The following PDE7B variants were observed in gnomAD, a reference collection of about 807,000 sequenced individuals.
The protein encoded by PDE7B is phosphodiesterase 7B.
PDE7B carries 29 observed loss-of-function variants against 56.2 expected under a neutral mutation model. The ratio of observed to expected loss-of-function variants is 0.52; its 90% confidence interval spans 0.38 to 0.70. PDE7B has a LOEUF of 0.70. Ranked by LOEUF, PDE7B falls within the 30% of genes least tolerant of loss-of-function variation. PDE7B has a pLI of 0.00. For missense variants in PDE7B, 490 were observed against 565.0 expected, an observed-to-expected ratio of 0.87 and a Z score of 1.35; for synonymous variants, 197 against 196.9, an observed-to-expected ratio of 1.00 and a Z score of 0.00.
At chr6:135,863,421 C>T (rs950247550) in intron 1 of PDE7B, among the ~76,000 whole-genome samples, 1 of 151,836 alleles carries the variant, frequency 6.6e-6, no homozygotes, top group Admixed American at 6.6e-5. Context: ...ACAGTAGGGG[C>T]AATACTTAGT....
chr6:135,906,836 T>TTTTTTTTTTTTTTTTTTTTTTTTTA (rs1554265658), intron 1 of PDE7B, among the ~76,000 whole-genome samples: 1 of 145,170 alleles, frequency 6.9e-6, no homozygotes, highest in African/African-American at 2.7e-5. Context: ...TTTTTTTTTT[T>TTTTTTTTTTTTTTTTTTTTTTTTTA]AATCCTCTAG....
At chr6:135,923,870 T>C (rs1459660488) in intron 1 of PDE7B, among the ~76,000 whole-genome samples, 1 of 152,160 alleles carries the variant, frequency 6.6e-6, no homozygotes, top group Non-Finnish European at 1.5e-5. Context: ...TACCAACCAG[T>C]TGTTACCAAG....
intron 2 of PDE7B, chr6:135,993,214 T>C (rs1775504859): frequency 6.6e-6 from 1 of 152,198 alleles, no homozygotes; most frequent in Non-Finnish European, 1.5e-5. Context: ...CTATCCTGAA[T>C]GTGACTCTAA....
At chr6:135,947,365 G>A in intron 1 of PDE7B, 99 bp from the exon 2 acceptor site, 3 of 937,528 alleles carry the variant, frequency 3.2e-6, no homozygotes, top group Middle Eastern at 2.1e-4. Context: ...GAAAACAAAA[G>A]TAGAATAATG....
At chr6:136,105,498 A>T (rs1434973895) in intron 2 of PDE7B, among the ~76,000 whole-genome samples, 1 of 152,240 alleles carries the variant, frequency 6.6e-6, no homozygotes, top group African/African-American at 2.4e-5. Context: ...TAATAATAAT[A>T]ACAGCTACTT....
chr6:136,062,307 A>G (rs1468209318), intron 2 of PDE7B, among the ~76,000 whole-genome samples: 3 of 152,224 alleles, frequency 2.0e-5, no homozygotes, highest in African/African-American at 7.2e-5. Flanking sequence ...AATAATTACC[A>G]CAATGAAGCT....
intron 1 of PDE7B, among the ~76,000 whole-genome samples, chr6:135,934,201 A>G (rs538081204): frequency 6.6e-6 from 1 of 152,280 alleles, no homozygotes; most frequent in East Asian, 1.9e-4. Flanking sequence ...CATGAATAAC[A>G]TGACACCTAC....
chr6:136,170,705 T>C (rs1334139456), intron 8 of PDE7B, among the ~76,000 whole-genome samples: 1 of 152,152 alleles, frequency 6.6e-6, no homozygotes, highest in Admixed American at 6.6e-5. Context: ...TGTACCTTGG[T>C]GAGAGTCTTC....
chr6:135,929,279 A>G (rs1774253561), intron 1 of PDE7B, among the ~76,000 whole-genome samples: 2 of 152,120 alleles, frequency 1.3e-5, no homozygotes, highest in Middle Eastern at 3.2e-3. Flanking sequence ...ATTCAAGAAT[A>G]CTTAAAACTT....
chr6:136,191,489 A>G, intron 12 of PDE7B, 125 bp from the exon 13 acceptor site: 1 of 781,098 alleles, frequency 1.3e-6, no homozygotes, highest in Non-Finnish European at 2.1e-6. Flanking sequence ...CAACATGGGG[A>G]AACCCCATCT....
chr6:136,083,241 G>A (rs1017191932), intron 2 of PDE7B, among the ~76,000 whole-genome samples: 81 of 152,306 alleles, frequency 5.3e-4, no homozygotes, highest in African/African-American at 1.8e-3. Flanking sequence ...CCTTCCAGAA[G>A]GGTTCCAAAT....
At chr6:136,077,954 C>CT (rs1355487918) in intron 2 of PDE7B, among the ~76,000 whole-genome samples, 2 of 152,194 alleles carry the variant, frequency 1.3e-5, no homozygotes, top group African/African-American at 4.8e-5. Context: ...GCCAGGCTTC[C>CT]TGATTCTAAT....
chr6:135,898,196 T>A (rs1455213468), intron 1 of PDE7B, among the ~76,000 whole-genome samples: 1 of 152,176 alleles, frequency 6.6e-6, no homozygotes, highest in Non-Finnish European at 1.5e-5. Context: ...GAAAGTAATA[T>A]GTACTAGATT....
At chr6:136,118,481 CAGTT>C (rs1777875460) in intron 3 of PDE7B, among the ~76,000 whole-genome samples, 1 of 152,130 alleles carries the variant, frequency 6.6e-6, no homozygotes, top group Non-Finnish European at 1.5e-5. Context: ...ATGCTTTGCA[CAGTT>C]AGACTCATTT....
In PDE7B at chr6:135,882,888, T is replaced by A. The variant is rs189009585; in HGVS notation, c.21+30869T>A. On this transcript the variant is annotated intron_variant, in intron 1 of 12. Transcript: ENST00000308191. The stretch of plus-strand genomic sequence containing the variant: ...TATGGTTCCCATTATTATAAAGTTT[T>A]CTATTACAAAGAGCTGAAATCCATT... Among the ~76,000 whole-genome samples the A allele has an allele frequency of 1.5e-3, 229 of 152,344 alleles. 1 individual carries two copies. The highest frequency in any genetic ancestry group is 5.1e-3 in the African/African-American group (211 of 41,582).
rs535839393 is a variant in PDE7B at position 135,932,767 on chromosome 6, C to T, written c.22-14697C>T. 4.6e-5 allele frequency among the ~76,000 whole-genome samples: 7 copies of T among 152,284 alleles called. No homozygotes were observed. In the South Asian group the frequency reaches 1.2e-3, roughly 27 times the overall value. The stretch of plus-strand genomic sequence containing the variant: ...CAGGAGCTGTTGGATCCAAAGCCCA[C>T]GTTCTCTGGCTCCACTTGTTTACAC... On this transcript the variant is annotated intron_variant, in intron 1 of 12. Transcript: ENST00000308191.
At chr6:136,191,557 G>T in intron 12 of PDE7B, 57 bp from the exon 13 acceptor site, 2 of 1,404,916 alleles carry the variant, frequency 1.4e-6, no homozygotes. Context: ...GCTCGGGAGG[G>T]AGTAAGGAGC....
intron 2 of PDE7B, among the ~76,000 whole-genome samples, chr6:136,033,879 T>C (rs1398130938): frequency 1.6e-5 from 2 of 127,272 alleles, no homozygotes; most frequent in Admixed American, 7.7e-5. Context: ...AGTGGTCGTG[T>C]GTGTGCATGT....
At chr6:136,101,316 T>C (rs1284185087) in intron 2 of PDE7B, among the ~76,000 whole-genome samples, 4 of 152,210 alleles carry the variant, frequency 2.6e-5, no homozygotes, top group Non-Finnish European at 4.4e-5. Flanking sequence ...TTTCTATTGA[T>C]TGGAATAGTT....
Sources: gnomAD v4.1 joint callset for allele counts (sites outside exome capture counted in the v4.1 genomes callset) on GRCh38, gnomAD v4.1.1 for gene constraint, MANE v1.5 for transcripts, NCBI Gene and HGNC (gene_info 2026-07-23, HGNC 2026-07-21) for gene names.